The following SLC25A48 variants were observed in gnomAD, a reference collection of about 807,000 sequenced individuals.
The protein encoded by SLC25A48 is solute carrier family 25 member 48.
In SLC25A48, 29 loss-of-function variants were observed where a neutral mutation model predicts 32.2. The ratio of observed to expected loss-of-function variants is 0.90; its 90% CI spans 0.67 to 1.23. The LOEUF is 1.23. Among genes scored for constraint, SLC25A48 ranks in the 50% most tolerant of loss-of-function variants. SLC25A48 has a pLI of 0.00. For missense variants in SLC25A48, 399 were observed against 422.7 expected (o/e 0.94, Z 0.49); for synonymous variants, 164 against 172.3 (o/e 0.95, Z 0.38).
rs143514696 is a variant in SLC25A48 at position 135,848,951 on chromosome 5, A to G, written c.91-1474A>G. Among the ~76,000 whole-genome samples the G allele has an allele frequency of 3.3e-5, 5 of 152,362 alleles. No individual in the cohort carries two copies. In the East Asian group the frequency reaches 9.6e-4, roughly 29 times the overall value. ...TAGGGTGAGAGCGAAGGTGGGTCCA[A>G]TGAAGCTTTAGCCTTACATGTGACA... On this transcript the variant is annotated intron_variant, in intron 2 of 7. Coordinates refer to ENST00000681962, the MANE Select transcript of SLC25A48 (RefSeq NM_001349336.2).
Position 135,835,907 on chromosome 5 carries a change from GGTGGCTCCTTTCACCTT to G in SLC25A48, c.46+1016_46+1032del, listed in dbSNP as rs560123218. 4.9e-3 allele frequency among the ~76,000 whole-genome samples: 744 copies of G among 152,286 alleles called. 4 individuals carry two copies. The highest frequency in any genetic ancestry group is 0.014 in the Middle Eastern group (4 of 294). ...CCTGCTTCACACCTTCCTGAGCAGAGGTGGCTCCTTTCACCTTGAGTAAGTCTGTTGGCACAGATGCC... is the reference window on the plus strand; with the variant it reads ...CCTGCTTCACACCTTCCTGAGCAGAGGAGTAAGTCTGTTGGCACAGATGCC... On this transcript the variant is annotated intron_variant, in intron 1 of 7. Transcript: ENST00000681962.
At chr5:135,767,962 G>T (rs966527752) in intron 3 of SLC25A48, among the ~76,000 whole-genome samples, 5 of 147,036 alleles carry the variant, frequency 3.4e-5, no homozygotes, top group African/African-American at 1.3e-4. Flanking sequence ...TATCCGGGGG[G>T]GGGAGAGGAT....
At chr5:135,696,102 A>G (rs1754261042) in intron 3 of SLC25A48, among the ~76,000 whole-genome samples, 1 of 152,210 alleles carries the variant, frequency 6.6e-6, no homozygotes, top group Non-Finnish European at 1.5e-5. Flanking sequence ...GTGGAAAGTA[A>G]ACAGTGCAAC....
intron 1 of SLC25A48, among the ~76,000 whole-genome samples, chr5:135,615,336 G>C (rs1035459495): frequency 2.0e-5 from 3 of 152,292 alleles, no homozygotes; most frequent in Admixed American, 2.0e-4. Context: ...GGGCTGATTA[G>C]GTCTCAGATA....
chr5:135,613,341 A>G (rs187315906), intron 1 of SLC25A48, among the ~76,000 whole-genome samples: 17 of 152,240 alleles, frequency 1.1e-4, no homozygotes, highest in Non-Finnish European at 1.8e-4. Context: ...CCTTTATTGG[A>G]TGAATACTTT....
chr5:135,639,228 A>C (rs150936863), intron 3 of SLC25A48, among the ~76,000 whole-genome samples: 224 of 152,308 alleles, frequency 1.5e-3, no homozygotes, highest in African/African-American at 5.0e-3. Flanking sequence ...TGGTTCTAAG[A>C]TCATCAGAAG....
At chr5:135,652,621 A>G (rs1753143596) in intron 3 of SLC25A48, among the ~76,000 whole-genome samples, 1 of 152,230 alleles carries the variant, frequency 6.6e-6, no homozygotes, top group South Asian at 2.1e-4. Context: ...CCCTGAAAGG[A>G]TTGGGTTCTG....
chr5:135,647,961 C>T (rs1341927947), intron 3 of SLC25A48, among the ~76,000 whole-genome samples: 1 of 152,104 alleles, frequency 6.6e-6, no homozygotes, highest in Non-Finnish European at 1.5e-5. Flanking sequence ...AGGTGGTGGT[C>T]CTAGGGGCAT....
chr5:135,680,427 G>A (rs1753867717), intron 3 of SLC25A48, among the ~76,000 whole-genome samples: 1 of 152,152 alleles, frequency 6.6e-6, no homozygotes, highest in Admixed American at 6.5e-5. Context: ...ATTTATGGAT[G>A]AATTTGTGAT....
In SLC25A48 at chr5:135,867,281, C is replaced by T. The variant is rs116344384; in HGVS notation, c.422-4180C>T. Among the ~76,000 whole-genome samples the T allele has an allele frequency of 7.0e-3, 1,062 of 152,208 alleles. 14 individuals are homozygous for T. Among genetic ancestry groups the T allele is most frequent in the African/African-American group, 0.025 (1,034 of 41,522 alleles). On this transcript the variant is annotated intron_variant, in intron 4 of 7. Transcript: ENST00000681962. Reference sequence around the variant, plus strand: ...GTTTCCTGTGAGCTGTGTCCTGATCCGGCACCTCGTAGTCTTCCTCAGGTT... The same window carrying T: ...GTTTCCTGTGAGCTGTGTCCTGATCTGGCACCTCGTAGTCTTCCTCAGGTT...
At chr5:135,607,281 A>G (rs1421674717) in intron 1 of SLC25A48, among the ~76,000 whole-genome samples, 3 of 152,232 alleles carry the variant, frequency 2.0e-5, no homozygotes, top group Non-Finnish European at 2.9e-5. Context: ...GAATTTAATG[A>G]TGACCTACTT....
At chr5:135,811,677 C>T (rs1757592798) in intron 3 of SLC25A48, among the ~76,000 whole-genome samples, 1 of 151,922 alleles carries the variant, frequency 6.6e-6, no homozygotes, top group Non-Finnish European at 1.5e-5. Context: ...CCATTCTTGT[C>T]AATTAAAAAT....
At chr5:135,878,578 T>C (rs31566) in intron 6 of SLC25A48, among the ~76,000 whole-genome samples, 30,441 of 152,088 alleles carry the variant, frequency 0.2, 5,265 homozygotes, top group African/African-American at 0.47. Flanking sequence ...GAGGCTGCTG[T>C]GAGGTGCTGG....
intron 1 of SLC25A48, among the ~76,000 whole-genome samples, chr5:135,619,617 CT>C (rs1349052787): frequency 6.6e-5 from 10 of 152,314 alleles, no homozygotes; most frequent in Non-Finnish European, 1.3e-4. Context: ...GTCACAGTCA[CT>C]TCTTCCAATG....
At chr5:135,601,148 G>T (rs912956876) in intron 1 of SLC25A48, 6 of 152,242 alleles carry the variant, frequency 3.9e-5, no homozygotes, top group Non-Finnish European at 5.9e-5. Context: ...AGTGACTAGG[G>T]AAGTTCCGAC....
chr5:135,597,923 G>C (rs976562787), intron 1 of SLC25A48, among the ~76,000 whole-genome samples: 1 of 152,112 alleles, frequency 6.6e-6, no homozygotes, highest in Admixed American at 6.5e-5. Flanking sequence ...AGAATCACTT[G>C]AACTCAGGAG....
intron 3 of SLC25A48, among the ~76,000 whole-genome samples, chr5:135,763,173 G>C (rs936098977): frequency 6.6e-6 from 1 of 152,100 alleles, no homozygotes; most frequent in Non-Finnish European, 1.5e-5. Context: ...GGCATGGGAG[G>C]AGGACGGGAA....
intron 3 of SLC25A48, among the ~76,000 whole-genome samples, chr5:135,647,563 T>C (rs543688133): frequency 1.8e-3 from 275 of 152,166 alleles, no homozygotes; most frequent in African/African-American, 6.5e-3. Context: ...GGTAGAGCAG[T>C]CCTCAGTGCT....
In SLC25A48 at chr5:135,811,353, T is replaced by C. The variant is rs1312666105; in HGVS notation, c.-520-1170T>C. 3.3e-5 allele frequency among the ~76,000 whole-genome samples: 5 copies of C among 152,298 alleles called. No individual in the cohort carries two copies. The East Asian group carries it at 9.7e-4, about 29-fold the overall frequency. On this transcript the variant is annotated intron_variant, in intron 3 of 10. Coordinates refer to the SLC25A48 transcript ENST00000646290. Reference sequence around the variant, plus strand: ...AATATCTCATGATCTCACATATATGTGGAATCTAAAACAATCGAATTCATA... The same window carrying C: ...AATATCTCATGATCTCACATATATGCGGAATCTAAAACAATCGAATTCATA...
Sources: allele counts gnomAD v4.1 joint callset (sites outside exome capture counted in the v4.1 genomes callset), GRCh38; gene constraint gnomAD v4.1.1; transcripts MANE v1.5; gene names NCBI Gene and HGNC (gene_info 2026-07-23, HGNC 2026-07-21).